ZDHHC15: variants seen among roughly 807,000 people sequenced by gnomAD.
The protein encoded by ZDHHC15 is zDHHC palmitoyltransferase 15.
ZDHHC15 carries 19 observed loss-of-function variants against 31.7 expected under a neutral mutation model. The observed-to-expected ratio is 0.60, with a 90% CI of 0.42 to 0.88. ZDHHC15 has a LOEUF of 0.88. Ranked by LOEUF, ZDHHC15 falls within the 40% of genes least tolerant of loss-of-function variation. ZDHHC15 has a pLI of 0.00. For missense variants in ZDHHC15, 209 were observed against 251.2 expected, an observed-to-expected ratio of 0.83 and a Z score of 1.14; for synonymous variants, 103 against 90.0, an observed-to-expected ratio of 1.14 and a Z score of -0.82.
chrX:75,449,255 A>G (rs1415689593), intron 4 of ZDHHC15, among the ~76,000 whole-genome samples: 1 of 87,700 alleles, frequency 1.1e-5, no homozygotes, highest in South Asian at 5.2e-4. Context: ...CACACACACA[A>G]TTCTATTGGC....
At chrX:75,388,663 G>C (rs1299531040) in intron 10 of ZDHHC15, among the ~76,000 whole-genome samples, 2 of 111,816 alleles carry the variant, frequency 1.8e-5, no homozygotes, top group Non-Finnish European at 3.8e-5. Context: ...AAAGAAAGAA[G>C]GGAAGAGAGG....
chrX:75,495,894 C>T (rs1307719904), intron 2 of ZDHHC15, among the ~76,000 whole-genome samples: 3 of 105,794 alleles, frequency 2.8e-5, no homozygotes, highest in Non-Finnish European at 5.8e-5. Flanking sequence ...AACTAACCTG[C>T]ACATTGTGCA....
At chrX:75,492,247 T>C (rs1437371917) in intron 2 of ZDHHC15, among the ~76,000 whole-genome samples, 1 of 111,655 alleles carries the variant, frequency 9.0e-6, no homozygotes, top group South Asian at 3.7e-4. Context: ...TAAATATATA[T>C]GAACCCAATA....
At chrX:75,518,769 GTATATA>G (rs1162307795) in intron 1 of ZDHHC15, among the ~76,000 whole-genome samples, 13 of 32,582 alleles carry the variant, frequency 4.0e-4, no homozygotes, top group African/African-American at 2.1e-3. Context: ...TAACAAACTG[GTATATA>G]TATATATATA....
intron 3 of ZDHHC15, among the ~76,000 whole-genome samples, chrX:75,469,078 C>A (rs1404674603): frequency 9.1e-6 from 1 of 110,378 alleles, no homozygotes; most frequent in Admixed American, 9.7e-5. Flanking sequence ...TTGATGAAGT[C>A]AAATTTATCC....
chrX:75,447,234 C>T lies in ZDHHC15; in HGVS notation c.379+3568G>A, dbSNP rs143267371. 8.1e-3 allele frequency among the ~76,000 whole-genome samples: 904 copies of T among 112,081 alleles called. 11 individuals are homozygous for T. The highest frequency in any genetic ancestry group is 0.027 in the African/African-American group (833 of 30,907). ...CATCAACCTGGTATCAGGTTGATTA[C>T]ATTGGAGTGCTTCTATCATAGCAGC... On this transcript the variant is annotated intron_variant, in intron 4 of 11. Coordinates refer to ENST00000373367, the MANE Select transcript of ZDHHC15 (RefSeq NM_144969.3).
chrX:75,374,783 A>T (rs2083041393), intron 11 of ZDHHC15, among the ~76,000 whole-genome samples: 1 of 109,699 alleles, frequency 9.1e-6, no homozygotes, highest in South Asian at 3.9e-4. Context: ...GGTGAATCTC[A>T]ATTATGTTGA....
chrX:75,468,292 G>A lies in ZDHHC15; in HGVS notation c.258+10599C>T, dbSNP rs568416346. On this transcript the variant is annotated intron_variant, in intron 3 of 11. Coordinates refer to ENST00000373367, the MANE Select transcript of ZDHHC15 (RefSeq NM_144969.3). The stretch of plus-strand genomic sequence containing the variant: ...ACTCCCGACCTCAGGTGATCCGCCT[G>A]CCTCGGCCTCTCAAAGTGCTGGGAT... Among the ~76,000 whole-genome samples, 4 of 111,269 alleles carry A rather than the reference G, an allele frequency of 3.6e-5. No individual in the cohort carries two copies. The South Asian group carries it at 1.5e-3, about 42-fold the overall frequency.
At chrX:75,406,436 C>T (rs943359135) in intron 10 of ZDHHC15, among the ~76,000 whole-genome samples, 6 of 110,307 alleles carry the variant, frequency 5.4e-5, no homozygotes, top group African/African-American at 1.3e-4. Flanking sequence ...ATAAAATTGA[C>T]AAAATATTAG....
At chrX:75,421,001 A>G (rs1602596620) in intron 9 of ZDHHC15, among the ~76,000 whole-genome samples, 1 of 110,446 alleles carries the variant, frequency 9.1e-6, no homozygotes. Flanking sequence ...CTTGCTTTTC[A>G]TATTTTTATT....
At chrX:75,510,352 A>G (rs1483963179) in intron 1 of ZDHHC15, among the ~76,000 whole-genome samples, 3 of 110,440 alleles carry the variant, frequency 2.7e-5, no homozygotes, top group African/African-American at 9.8e-5. Context: ...GTGATGATAC[A>G]TTTAACTGTT....
intron 8 of ZDHHC15, among the ~76,000 whole-genome samples, chrX:75,424,235 C>T (rs757084095): frequency 9.1e-6 from 1 of 110,234 alleles, no homozygotes; most frequent in East Asian, 2.9e-4. Context: ...TCTCAGGGCT[C>T]TGTTTTTAGA....
At chrX:75,432,816 AAAAAT>A (rs1304682235) in intron 4 of ZDHHC15, among the ~76,000 whole-genome samples, 9 of 110,276 alleles carry the variant, frequency 8.2e-5, no homozygotes, top group Admixed American at 2.9e-4. Context: ...GTCTCTATAA[AAAAAT>A]AAAATAAAAT....
intron 3 of ZDHHC15, among the ~76,000 whole-genome samples, chrX:75,464,274 G>A (rs1201528449): frequency 1.8e-5 from 2 of 110,381 alleles, no homozygotes; most frequent in Non-Finnish European, 3.8e-5. Context: ...GTCACACACC[G>A]GGGCCTGTTG....
intron 2 of ZDHHC15, among the ~76,000 whole-genome samples, chrX:75,491,067 G>T (rs987413561): frequency 4.8e-4 from 54 of 111,727 alleles, no homozygotes; most frequent in African/African-American, 1.7e-3. Context: ...AGCCAGTGTG[G>T]TGATTCCTCA....
intron 7 of ZDHHC15, among the ~76,000 whole-genome samples, chrX:75,428,141 A>G (rs949265725): frequency 3.6e-5 from 4 of 111,065 alleles, no homozygotes; most frequent in Non-Finnish European, 7.6e-5. Flanking sequence ...AATAACTAGT[A>G]GCTCTGTCCA....
At chrX:75,506,736 T>A (rs956227152) in intron 1 of ZDHHC15, among the ~76,000 whole-genome samples, 1 of 112,524 alleles carries the variant, frequency 8.9e-6, no homozygotes, top group Non-Finnish European at 1.9e-5. Context: ...ACATGCTGCA[T>A]GACTGCATTG....
intron 3 of ZDHHC15, among the ~76,000 whole-genome samples, chrX:75,472,715 C>T (rs745885964): frequency 8.9e-6 from 1 of 112,020 alleles, no homozygotes; most frequent in East Asian, 2.8e-4. Context: ...CCTGTCATCG[C>T]CCAATGGGCC....
chrX:75,376,908 T>A (rs745397860), intron 11 of ZDHHC15, among the ~76,000 whole-genome samples: 11 of 111,449 alleles, frequency 9.9e-5, no homozygotes, highest in Non-Finnish European at 1.7e-4. Flanking sequence ...AATGAAAAAA[T>A]TAGCATTGAT....
Sources: gnomAD v4.1 joint callset for allele counts (sites outside exome capture counted in the v4.1 genomes callset) on GRCh38, gnomAD v4.1.1 for gene constraint, MANE v1.5 for transcripts, NCBI Gene and HGNC (gene_info 2026-07-23, HGNC 2026-07-21) for gene names.